Variants in RORA observed in about 807,000 individuals in gnomAD.
The protein encoded by RORA is nuclear receptor ROR-alpha.
In RORA, 7 loss-of-function variants were observed where a neutral mutation model predicts 69.5. The observed-to-expected ratio is 0.10, with a 90% CI of 0.06 to 0.19. The LOEUF is 0.19. Among genes scored for constraint, RORA ranks in the 10% least tolerant of loss-of-function variants. The probability of loss-of-function intolerance (pLI) is 1.00; values close to 1 mark genes in which losing one functional copy is unlikely to be tolerated. For missense variants in RORA, 457 were observed against 663.0 expected, an observed-to-expected ratio of 0.69 and a Z score of 3.41; for synonymous variants, 261 against 240.8, an observed-to-expected ratio of 1.08 and a Z score of -0.78.
intron 1 of RORA, among the ~76,000 whole-genome samples, chr15:61,197,289 G>C (rs909065309): frequency 1.3e-5 from 2 of 152,228 alleles, no homozygotes; most frequent in African/African-American, 4.8e-5. Context: ...AGAATCAGGG[G>C]GAGACTTTAA....
intron 2 of RORA, among the ~76,000 whole-genome samples, chr15:60,588,136 A>G (rs754269054): frequency 3.9e-5 from 6 of 152,184 alleles, no homozygotes; most frequent in Admixed American, 2.0e-4. Flanking sequence ...TCAAATGTCA[A>G]TTCACACCTG....
intron 1 of RORA, among the ~76,000 whole-genome samples, chr15:60,746,762 A>G (rs972043285): frequency 6.6e-6 from 1 of 152,206 alleles, no homozygotes; most frequent in African/African-American, 2.4e-5. Context: ...CGTCTTGCAT[A>G]GACCACCTCA....
intron 1 of RORA, among the ~76,000 whole-genome samples, chr15:61,023,735 A>T (rs906342669): frequency 1.3e-5 from 2 of 152,204 alleles, no homozygotes; most frequent in Admixed American, 6.5e-5. Context: ...ATGTGAGTGG[A>T]CACTGAAACA....
chr15:60,982,228 A>T (rs1894063876), intron 1 of RORA, among the ~76,000 whole-genome samples: 2 of 152,180 alleles, frequency 1.3e-5, no homozygotes, highest in African/African-American at 4.8e-5. Context: ...TCACTTCCTG[A>T]TTATGCGTAG....
intron 1 of RORA, among the ~76,000 whole-genome samples, chr15:60,813,407 G>A (rs1298015179): frequency 2.0e-5 from 3 of 152,018 alleles, no homozygotes; most frequent in South Asian, 2.1e-4. Flanking sequence ...CACGTCCCAC[G>A]AAGTGTATGG....
intron 1 of RORA, among the ~76,000 whole-genome samples, chr15:60,960,519 G>A (rs567961951): frequency 6.6e-6 from 1 of 152,310 alleles, no homozygotes; most frequent in Admixed American, 6.5e-5. Context: ...TTAGGAGTCT[G>A]TGCAGCTGAT....
chr15:60,536,128 T>C (rs2066670286), intron 2 of RORA, among the ~76,000 whole-genome samples: 1 of 152,214 alleles, frequency 6.6e-6, no homozygotes, highest in South Asian at 2.1e-4. Context: ...TGTCAACGTT[T>C]GACAGTTCTT....
At chr15:61,040,165 A>ATATAT (rs1566958547) in intron 1 of RORA, among the ~76,000 whole-genome samples, 10 of 101,712 alleles carry the variant, frequency 9.8e-5, no homozygotes, top group Non-Finnish European at 1.7e-4. Flanking sequence ...TATATATATA[A>ATATAT]AATATATGAA....
At chr15:61,066,824 C>A (rs1160077738) in intron 1 of RORA, among the ~76,000 whole-genome samples, 2 of 139,718 alleles carry the variant, frequency 1.4e-5, no homozygotes, top group African/African-American at 5.4e-5. Context: ...TCCAAAGAGT[C>A]CAAATCTTCC....
Position 60,531,651 on chromosome 15 carries a change from C to A in RORA, c.282+115G>T, listed in dbSNP as rs1019313851. 9.7e-6 allele frequency: 6 copies of A among 619,076 alleles called. No homozygotes were observed. In the African/African-American group the frequency reaches 9.9e-5, roughly 10 times the overall value. The allele number at this position is 619,076 out of a possible 1,614,324, so 38.3% of individuals were successfully genotyped here. On this transcript the variant is annotated intron_variant, in intron 3 of 10. Transcript: ENST00000335670. This position sits in a 1 kb window ranked among gnomAD's most constrained non-coding sequence, Gnocchi z 4.8. ...AAATATTTCTTCTATCCTGTAATTTCTTATCATTCAAAATTCTAAGGAGTT... is the reference window on the plus strand; with the variant it reads ...AAATATTTCTTCTATCCTGTAATTTATTATCATTCAAAATTCTAAGGAGTT...
At chr15:61,078,408 A>G (rs1248544271) in intron 1 of RORA, among the ~76,000 whole-genome samples, 1 of 150,712 alleles carries the variant, frequency 6.6e-6, no homozygotes, top group Non-Finnish European at 1.5e-5. Flanking sequence ...CATGTTGGCC[A>G]GGCTGGTCTC....
chr15:61,224,082 G>A (rs527896946), intron 1 of RORA, among the ~76,000 whole-genome samples: 1 of 151,580 alleles, frequency 6.6e-6, no homozygotes, highest in South Asian at 2.1e-4. Flanking sequence ...TTTTGAGTAA[G>A]GAAGATAATC....
chr15:60,797,733 C>T (rs1460043411), intron 1 of RORA, among the ~76,000 whole-genome samples: 3 of 152,168 alleles, frequency 2.0e-5, no homozygotes, highest in Non-Finnish European at 1.5e-5. Context: ...GACCAGCACG[C>T]GGTTGACAAG....
At chr15:60,553,850 C>T (rs185168405) in intron 2 of RORA, among the ~76,000 whole-genome samples, 2 of 152,286 alleles carry the variant, frequency 1.3e-5, no homozygotes, top group Admixed American at 1.3e-4. Flanking sequence ...CCCCTAGAAG[C>T]CTCAAACCAT....
chr15:61,112,095 G>A (rs1166797699), intron 1 of RORA, among the ~76,000 whole-genome samples: 3 of 152,102 alleles, frequency 2.0e-5, no homozygotes, highest in South Asian at 2.1e-4. Flanking sequence ...AACTGCTGCC[G>A]GTCCTCAAAT....
At chr15:60,735,597 C>A (rs988172203) in intron 1 of RORA, among the ~76,000 whole-genome samples, 3 of 147,084 alleles carry the variant, frequency 2.0e-5, no homozygotes, top group East Asian at 1.9e-4. Flanking sequence ...AACCAAGTTG[C>A]ACTTCGGCCT....
intron 1 of RORA, among the ~76,000 whole-genome samples, chr15:60,947,653 A>C (rs1424014653): frequency 1.5e-5 from 2 of 131,360 alleles, no homozygotes; most frequent in Non-Finnish European, 3.1e-5. Flanking sequence ...ACCCTGCCAA[A>C]TCCCCCTCTT....
chr15:60,975,733 C>T (rs375112271), intron 1 of RORA, among the ~76,000 whole-genome samples: 7 of 152,184 alleles, frequency 4.6e-5, no homozygotes, highest in African/African-American at 1.7e-4. Context: ...TGGAAAATAA[C>T]TGATACAGTG....
At chr15:60,902,841 C>T (rs867709215) in intron 1 of RORA, among the ~76,000 whole-genome samples, 3 of 152,210 alleles carry the variant, frequency 2.0e-5, no homozygotes, top group East Asian at 1.9e-4. Flanking sequence ...CTGGGCAGAA[C>T]GCTTTTCTCC....
Sources: allele counts gnomAD v4.1 joint callset (sites outside exome capture counted in the v4.1 genomes callset), GRCh38; gene constraint gnomAD v4.1.1; non-coding constraint Gnocchi (gnomAD v3.1); transcripts MANE v1.5; gene names NCBI Gene and HGNC (gene_info 2026-07-23, HGNC 2026-07-21).